SPHKAP: variants seen among roughly 807,000 people sequenced by gnomAD.
SPHKAP encodes the protein A-kinase anchor protein SPHKAP.
Under a neutral mutation model 137.5 loss-of-function variants are expected in SPHKAP, and 67 were observed. That is an observed-to-expected ratio of 0.49 (90% CI 0.40 to 0.60). SPHKAP has a LOEUF of 0.60. Ranked by LOEUF, SPHKAP falls within the 20% of genes least tolerant of loss-of-function variation. The probability of loss-of-function intolerance (pLI) is 0.00; values close to 1 mark genes in which losing one functional copy is unlikely to be tolerated. For synonymous variants in SPHKAP, 813 were observed against 785.3 expected, an observed-to-expected ratio of 1.04 and a Z score of -0.59; for missense variants, 2,097 against 2,069.3, an observed-to-expected ratio of 1.01 and a Z score of -0.26.
At chr2:228,129,226 G>A (rs1298385251) in intron 2 of SPHKAP, among the ~76,000 whole-genome samples, 1 of 152,146 alleles carries the variant, frequency 6.6e-6, no homozygotes, top group Non-Finnish European at 1.5e-5. Flanking sequence ...ATGTGACACA[G>A]AATCACTAAG....
At chr2:228,066,875 G>T (rs1038854769) in intron 3 of SPHKAP, among the ~76,000 whole-genome samples, 2 of 152,178 alleles carry the variant, frequency 1.3e-5, no homozygotes, top group African/African-American at 4.8e-5. Context: ...CTCGTAAATG[G>T]AAGGGTAATA....
At position 228,104,439 on chromosome 2, in the gene SPHKAP, G is replaced by C. The variant is rs77561554; in HGVS notation, c.246+4393C>G. ...ATATAATATATTGTAATATTTCTTT[G>C]ATCACGTGAGTCTAGATTCTTCCAT... On this transcript the variant is annotated intron_variant, in intron 3 of 11. Transcript: ENST00000392056. Among the ~76,000 whole-genome samples the C allele has an allele frequency of 4.7e-3, 689 of 148,026 alleles. 6 individuals are homozygous for C. Among genetic ancestry groups the C allele is most frequent in the African/African-American group, 0.016 (642 of 40,316 alleles).
intron 11 of SPHKAP, among the ~76,000 whole-genome samples, chr2:227,987,866 A>G (rs1693269886): frequency 6.6e-6 from 1 of 152,200 alleles, no homozygotes; most frequent in African/African-American, 2.4e-5. Context: ...AATTAGCCCA[A>G]AAAAATTTTA....
At chr2:227,987,707 A>C (rs997824055) in intron 11 of SPHKAP, among the ~76,000 whole-genome samples, 1 of 152,088 alleles carries the variant, frequency 6.6e-6, no homozygotes, top group African/African-American at 2.4e-5. Flanking sequence ...GGTGCCCCCA[A>C]CTCCAAGGCC....
intron 1 of SPHKAP, among the ~76,000 whole-genome samples, chr2:228,165,991 A>G (rs1227711545): frequency 1.3e-5 from 2 of 152,242 alleles, no homozygotes; most frequent in Non-Finnish European, 2.9e-5. Flanking sequence ...AAGTAACATT[A>G]CGGAACTCTT....
chr2:228,078,152 A>G (rs1697243664), intron 3 of SPHKAP, among the ~76,000 whole-genome samples: 1 of 152,210 alleles, frequency 6.6e-6, no homozygotes, highest in Non-Finnish European at 1.5e-5. Flanking sequence ...AGTCTCAGGT[A>G]TGTCTGTATC....
intron 2 of SPHKAP, among the ~76,000 whole-genome samples, chr2:228,118,240 GTT>G (rs71299665): frequency 3.6e-4 from 45 of 124,136 alleles, no homozygotes; most frequent in East Asian, 3.0e-3. Flanking sequence ...GAGATACACA[GTT>G]TTTTTTTTTT....
At chr2:228,057,754 A>T (rs1002413607) in intron 3 of SPHKAP, among the ~76,000 whole-genome samples, 1 of 152,182 alleles carries the variant, frequency 6.6e-6, no homozygotes, top group Non-Finnish European at 1.5e-5. Flanking sequence ...AATGGTGGAT[A>T]TTGAGGCCAG....
At chr2:228,154,502 C>A (rs1237166620) in intron 1 of SPHKAP, among the ~76,000 whole-genome samples, 6 of 27,400 alleles carry the variant, frequency 2.2e-4, no homozygotes, top group South Asian at 1.8e-3. Context: ...CTCTCTCTCT[C>A]TCTCTCTCTC....
chr2:228,065,895 T>G (rs1696812922), intron 3 of SPHKAP, among the ~76,000 whole-genome samples: 1 of 152,254 alleles, frequency 6.6e-6, no homozygotes, highest in South Asian at 2.1e-4. Flanking sequence ...CTGCCTGCAC[T>G]CAACAAAATT....
chr2:228,027,972 A>G (rs1210797677), intron 3 of SPHKAP: 1 of 974,042 alleles, frequency 1.0e-6, no homozygotes, highest in Non-Finnish European at 1.2e-6. Flanking sequence ...AAAAAAAAAA[A>G]AAAAGAAAAA....
At chr2:227,985,387 A>C (rs1693175715) in intron 11 of SPHKAP, among the ~76,000 whole-genome samples, 1 of 152,166 alleles carries the variant, frequency 6.6e-6, no homozygotes, top group African/African-American at 2.4e-5. Context: ...GAATGAAAAA[A>C]GATTGTGAAG....
intron 1 of SPHKAP, among the ~76,000 whole-genome samples, chr2:228,151,378 G>A (rs10195674): frequency 0.34 from 50,425 of 150,050 alleles, 8,669 homozygotes; most frequent in East Asian, 0.49. Flanking sequence ...ATTGTGAATA[G>A]TGCCGCAATA....
rs1692945040 is a variant in SPHKAP at position 227,980,119 on chromosome 2, T to C, written c.*1598A>G. 1 of 152,672 alleles carries C rather than the reference T, an allele frequency of 6.5e-6. No individual in the cohort carries two copies. Among genetic ancestry groups the C allele is most frequent in the African/African-American group, 2.4e-5 (1 of 41,472 alleles). 9.5% of individuals were successfully genotyped at this position (152,672 alleles called of 1,614,324 possible). On this transcript the variant is annotated 3_prime_UTR_variant, in exon 12 of 12. Transcript: ENST00000392056. ...ATTCTGGGATTGTTTAAAAAATAAG[T>C]GTATTCTATTCCATTTGATAGCACA...
At chr2:228,073,430 G>T (rs747307842) in intron 3 of SPHKAP, among the ~76,000 whole-genome samples, 1 of 152,200 alleles carries the variant, frequency 6.6e-6, no homozygotes, top group Non-Finnish European at 1.5e-5. Flanking sequence ...ACGGATATGT[G>T]CAAGTATGTG....
intron 2 of SPHKAP, among the ~76,000 whole-genome samples, chr2:228,129,747 T>G (rs556492742): frequency 6.6e-6 from 1 of 151,722 alleles, no homozygotes; most frequent in South Asian, 2.1e-4. Flanking sequence ...TATATATATA[T>G]GCTAATGAAG....
At chr2:228,031,300 G>T (rs912774844) in intron 3 of SPHKAP, among the ~76,000 whole-genome samples, 5 of 152,280 alleles carry the variant, frequency 3.3e-5, no homozygotes, top group African/African-American at 9.6e-5. Flanking sequence ...AAACTGCAAG[G>T]CAGCAGCGAG....
chr2:228,082,025 C>T (rs1697379422), intron 3 of SPHKAP, among the ~76,000 whole-genome samples: 1 of 152,118 alleles, frequency 6.6e-6, no homozygotes, highest in African/African-American at 2.4e-5. Flanking sequence ...ACAATGTAGA[C>T]ATATATCAAA....
chr2:228,115,487 T>C (rs1698679759), intron 2 of SPHKAP, among the ~76,000 whole-genome samples: 1 of 152,168 alleles, frequency 6.6e-6, no homozygotes, highest in Admixed American at 6.6e-5. Context: ...ATCTATTTCC[T>C]GTCTTACAGT....
Sources: gnomAD v4.1 joint callset for allele counts (sites outside exome capture counted in the v4.1 genomes callset) on GRCh38, gnomAD v4.1.1 for gene constraint, MANE v1.5 for transcripts, NCBI Gene and HGNC (gene_info 2026-07-23, HGNC 2026-07-21) for gene names.